The following EPS15 variants were observed in gnomAD, a reference collection of about 807,000 sequenced individuals.
The protein encoded by EPS15 is epidermal growth factor receptor substrate 15.
In EPS15, 72 loss-of-function variants were observed where a neutral mutation model predicts 113.8. The ratio of observed to expected loss-of-function variants is 0.63; its 90% CI spans 0.52 to 0.77. The LOEUF (loss-of-function observed/expected upper bound fraction) is 0.77. Ranked by LOEUF, EPS15 falls within the 30% of genes least tolerant of loss-of-function variation. The probability of loss-of-function intolerance (pLI) is 0.00; values close to 1 mark genes in which losing one functional copy is unlikely to be tolerated. For missense variants in EPS15, 1,048 were observed against 1,045.8 expected, an observed-to-expected ratio of 1.00 and a Z score of -0.03; for synonymous variants, 344 against 363.4, an observed-to-expected ratio of 0.95 and a Z score of 0.61.
chr1:51,509,762 G>C (rs947120836), intron 1 of EPS15, among the ~76,000 whole-genome samples: 18 of 152,106 alleles, frequency 1.2e-4, no homozygotes, highest in African/African-American at 4.1e-4. Context: ...CTATAACTTC[G>C]TGCAACAATC....
At chr1:51,444,830 C>A in intron 11 of EPS15, 59 bp downstream of exon 11, 2 of 1,452,738 alleles carry the variant, frequency 1.4e-6, no homozygotes, top group Non-Finnish European at 9.5e-7. Context: ...ATCTGTAATT[C>A]GACATAGTAT....
chr1:51,461,036 G>C, intron 8 of EPS15, 55 bp downstream of exon 8: 5 of 1,141,822 alleles, frequency 4.4e-6, no homozygotes, highest in Non-Finnish European at 5.3e-6. Flanking sequence ...GAGGAAATTT[G>C]CACATGAGAA....
chr1:51,396,822 T>C (rs1035730867), intron 20 of EPS15, among the ~76,000 whole-genome samples: 2 of 152,158 alleles, frequency 1.3e-5, no homozygotes, highest in Admixed American at 1.3e-4. Flanking sequence ...GTGAAAATCT[T>C]AGATTTTGGC....
chr1:51,396,288 C>A (rs1389177146), intron 20 of EPS15, among the ~76,000 whole-genome samples: 1 of 152,188 alleles, frequency 6.6e-6, no homozygotes, highest in Non-Finnish European at 1.5e-5. Flanking sequence ...CATAACAAGT[C>A]ACCAAGTACA....
chr1:51,503,074 T>C (rs749948199), intron 1 of EPS15, among the ~76,000 whole-genome samples: 3 of 151,726 alleles, frequency 2.0e-5, no homozygotes, highest in Non-Finnish European at 4.4e-5. Flanking sequence ...TTATTTGTTA[T>C]AGCTTTAACA....
At position 51,361,177 on chromosome 1, in the gene EPS15, G is replaced by A. The variant is rs1420788651; in HGVS notation, c.2538C>T (p.Phe846=). The change falls in exon 24 of 25, where the codon TTC becomes TTT. Residue 846 remains phenylalanine (F), a synonymous_variant. Transcript: ENST00000371733. The stretch of plus-strand genomic sequence containing the variant: ...GCTCATTCACAGTACTTACAGCACT[G>A]AAGTTGGCAAAATTGCTTGGATCAG... ...KEADPSNFAN[F]SAYPSEEDMI... 1 of 1,613,302 alleles carries A rather than the reference G, an allele frequency of 6.2e-7. No homozygotes were observed. The highest frequency in any genetic ancestry group is 8.5e-7 in the Non-Finnish European group (1 of 1,179,302).
At chr1:51,360,606 CATTT>C (rs942484732) in intron 24 of EPS15, among the ~76,000 whole-genome samples, 18 of 152,120 alleles carry the variant, frequency 1.2e-4, no homozygotes, top group African/African-American at 2.4e-4. Flanking sequence ...TCCTGACAAC[CATTT>C]ATTTATTTAT....
chr1:51,487,258 GATAAAA>G (rs1644141778), intron 1 of EPS15, among the ~76,000 whole-genome samples: 1 of 152,030 alleles, frequency 6.6e-6, no homozygotes, highest in Admixed American at 6.6e-5. Context: ...CCGAGAAACT[GATAAAA>G]ATATTTATTA....
chr1:51,481,466 G>T lies in EPS15; in HGVS notation c.34-152C>A. 1.7e-6 allele frequency: 1 copy of T among 583,572 alleles called. No individual in the cohort carries two copies. Among genetic ancestry groups the T allele is most frequent in the Non-Finnish European group, 3.1e-6 (1 of 327,002 alleles). The allele number at this position is 583,572 out of a possible 1,614,324, so 36.1% of individuals were successfully genotyped here. A position where few individuals can be genotyped will look rare whatever the true frequency, so the allele number is the denominator to read the frequency against. The stretch of plus-strand genomic sequence containing the variant: ...TAGATTTTGTTTCTTCTTGGGGAGC[G>T]TGAGACAGAGAATAGATAAAGATAG... On this transcript the variant is annotated intron_variant, in intron 1 of 24. Transcript: ENST00000371733.
chr1:51,491,547 T>A (rs1570419452), intron 1 of EPS15, among the ~76,000 whole-genome samples: 1 of 152,018 alleles, frequency 6.6e-6, no homozygotes, highest in African/African-American at 2.4e-5. Context: ...AAACTAAGAG[T>A]AAACAGAAGA....
In EPS15 at chr1:51,357,376, G is replaced by GAAAAAAAAAAA. The variant is rs56655497; in HGVS notation, c.2545-541_2545-531dup. On this transcript the variant is annotated intron_variant, in intron 24 of 24. Transcript: ENST00000371733. The stretch of plus-strand genomic sequence containing the variant: ...TGGGTGACAAAGTGAGATTCCATCT[G>GAAAAAAAAAAA]AAAAAAAAAAAAAAAATATATATAT... Among the ~76,000 whole-genome samples, 8 of 33,114 alleles carry GAAAAAAAAAAA rather than the reference G, an allele frequency of 2.4e-4. 1 individual carries two copies. Among genetic ancestry groups the GAAAAAAAAAAA allele is most frequent in the African/African-American group, 1.4e-3 (7 of 5,160 alleles). 21.7% of individuals were successfully genotyped at this position (33,114 alleles called of 152,430 possible). A position where few individuals can be genotyped will look rare whatever the true frequency, so the allele number is the denominator to read the frequency against.
At chr1:51,417,381 T>G (rs1051276234) in intron 13 of EPS15, among the ~76,000 whole-genome samples, 1 of 152,210 alleles carries the variant, frequency 6.6e-6, no homozygotes, top group African/African-American at 2.4e-5. Flanking sequence ...TTGTCTTATT[T>G]TAAATTGTAT....
intron 1 of EPS15, chr1:51,490,422 G>C (rs1259702681): frequency 3.3e-6 from 1 of 305,554 alleles, no homozygotes; most frequent in African/African-American, 2.3e-5. Flanking sequence ...AAAATTAGCT[G>C]GGCGTGGTGG....
intron 4 of EPS15, among the ~76,000 whole-genome samples, 188 bp downstream of exon 4, chr1:51,471,502 C>T (rs1296549910): frequency 1.3e-5 from 2 of 152,190 alleles, no homozygotes; most frequent in Admixed American, 1.3e-4. Flanking sequence ...TGTCACCAAA[C>T]TCACACTAAC....
At position 51,380,310 on chromosome 1, in the gene EPS15, A is replaced by C. The variant is rs923610782; in HGVS notation, c.2119+14071T>G. Among the ~76,000 whole-genome samples the C allele has an allele frequency of 2.6e-5, 4 of 152,166 alleles. No homozygotes were observed. In the East Asian group the frequency reaches 7.7e-4, roughly 29 times the overall value. ...TGTTAGACACCAAATGAAAATATAAAGTTTTCTCTGATAAAGGTAAATATC... is the reference window on the plus strand; with the variant it reads ...TGTTAGACACCAAATGAAAATATAACGTTTTCTCTGATAAAGGTAAATATC... On this transcript the variant is annotated intron_variant, in intron 21 of 24. Coordinates refer to ENST00000371733, the MANE Select transcript of EPS15 (RefSeq NM_001981.3).
At chr1:51,513,258 G>T (rs1485893897) in intron 1 of EPS15, among the ~76,000 whole-genome samples, 1 of 152,128 alleles carries the variant, frequency 6.6e-6, no homozygotes, top group Non-Finnish European at 1.5e-5. Context: ...CAGCATAGTT[G>T]TAACAAAAGA....
Position 51,405,971 on chromosome 1 carries a change from G to A in EPS15, c.1611C>T (p.Ala537=), listed in dbSNP as rs1405395636. The A allele has an allele frequency of 1.1e-5, 18 of 1,614,158 alleles. No individual in the cohort carries two copies. Among genetic ancestry groups the A allele is most frequent in the Non-Finnish European group, 1.4e-5 (16 of 1,180,022 alleles). The change falls in exon 16 of 25, where the codon GCC becomes GCT. Residue 537 remains alanine, a synonymous_variant. Coordinates refer to ENST00000371733, the MANE Select transcript of EPS15 (RefSeq NM_001981.3). The part of the protein sequence containing the change: ...CSLSTSSSET[A]NLNEHVEGQS... ...GGCCTTCAACATGTTCATTAAGGTT[G>A]GCTGTTTCACTGCTGCTGGTGCTGA...
At chr1:51,431,168 G>A (rs1651702822) in intron 12 of EPS15, among the ~76,000 whole-genome samples, 1 of 152,106 alleles carries the variant, frequency 6.6e-6, no homozygotes, top group Non-Finnish European at 1.5e-5. Context: ...AAAATTAGTA[G>A]CCATTAATTA....
chr1:51,414,274 G>A (rs552226764), intron 13 of EPS15, among the ~76,000 whole-genome samples: 7 of 152,012 alleles, frequency 4.6e-5, no homozygotes, highest in South Asian at 2.1e-4. Flanking sequence ...TCAGCTGGGC[G>A]TGGTAGTGGC....
Sources: gnomAD v4.1 joint callset for allele counts (sites outside exome capture counted in the v4.1 genomes callset) on GRCh38, gnomAD v4.1.1 for gene constraint, MANE v1.5 for transcripts, NCBI Gene and HGNC (gene_info 2026-07-23, HGNC 2026-07-21) for gene names.